EML6: variants seen among roughly 807,000 people sequenced by gnomAD.
EML6 encodes EMAP like 6.
In EML6, 154 loss-of-function variants were observed where a neutral mutation model predicts 240.1. The observed-to-expected ratio is 0.64, with a 90% CI of 0.56 to 0.73. The LOEUF (loss-of-function observed/expected upper bound fraction) is 0.73. EML6 is among the 30% of genes least tolerant of loss of function. EML6 has a pLI of 0.00. For missense variants in EML6, 2,964 were observed against 2,474.6 expected (o/e 1.20, Z -4.20); for synonymous variants, 1,148 against 899.0 (o/e 1.28, Z -4.95).
intron 17 of EML6, among the ~76,000 whole-genome samples, chr2:54,889,068 A>C (rs560069737): frequency 7.9e-5 from 12 of 152,260 alleles, no homozygotes; most frequent in Admixed American, 7.2e-4. Context: ...TTCTCTTGCT[A>C]TTTATGTAAA....
At chr2:54,783,817 C>G (rs967903988) in intron 2 of EML6, among the ~76,000 whole-genome samples, 1 of 152,150 alleles carries the variant, frequency 6.6e-6, no homozygotes, top group Non-Finnish European at 1.5e-5. Flanking sequence ...CATTGATATA[C>G]TTGTAATGAG....
At chr2:54,744,208 TAA>T (rs2103664390) in intron 2 of EML6, among the ~76,000 whole-genome samples, 1 of 152,270 alleles carries the variant, frequency 6.6e-6, no homozygotes, top group South Asian at 2.1e-4. Flanking sequence ...CCTTCTGAGC[TAA>T]AGAGATTGCT....
chr2:54,954,006 T>C lies in EML6; in HGVS notation c.4336T>C (p.Trp1446Arg). 1.3e-6 allele frequency: 2 copies of C among 1,551,590 alleles called. No homozygotes were observed. The highest frequency in any genetic ancestry group is 1.7e-6 in the Non-Finnish European group (2 of 1,146,828). The change falls in exon 32 of 42, where the codon TGG becomes CGG. Residue 1446 changes from tryptophan (W) to arginine (R), a missense_variant. Coordinates refer to ENST00000356458, the MANE Select transcript of EML6 (RefSeq NM_001039753.4). The part of the protein sequence containing the change: ...QIGTTPSIHI[W>R]DAMTKHTLSM... ...AGGGACAACACCTTCCATCCACATA[T>C]GGGACGCCATGACCAAACACACCCT... is the stretch of plus-strand genomic sequence containing the variant.
chr2:54,895,204 A>T, intron 20 of EML6, 69 bp from the exon 21 acceptor site: 4 of 1,511,052 alleles, frequency 2.6e-6, no homozygotes, highest in Non-Finnish European at 3.6e-6. Context: ...TTGGAGCTAT[A>T]AAAATTGAAT....
chr2:54,736,166 G>T (rs1237337690), intron 2 of EML6, among the ~76,000 whole-genome samples: 1 of 152,226 alleles, frequency 6.6e-6, no homozygotes. Context: ...ATAGCTAAGG[G>T]ATTTACCGCT....
In EML6 at chr2:54,759,256, C is replaced by T. The variant is rs568312507; in HGVS notation, c.197+33998C>T. 2.0e-5 allele frequency among the ~76,000 whole-genome samples: 3 copies of T among 150,510 alleles called. No homozygotes were observed. In the Admixed American group the frequency reaches 2.0e-4, roughly 10 times the overall value. Reference sequence around the variant, plus strand: ...TATGCATATCTGATAATTAGGCCCACAGTTTACAGTGGCTTTGACTGGTAT... The same window carrying T: ...TATGCATATCTGATAATTAGGCCCATAGTTTACAGTGGCTTTGACTGGTAT... On this transcript the variant is annotated intron_variant, in intron 2 of 41. Transcript: ENST00000356458.
In EML6 at chr2:54,967,091, C is replaced by T. The variant is rs1421758339; in HGVS notation, c.5585C>T (p.Ala1862Val). The T allele has an allele frequency of 6.4e-7, 1 of 1,550,702 alleles. No individual in the cohort carries two copies. Among genetic ancestry groups the T allele is most frequent in the East Asian group, 2.4e-5 (1 of 40,904 alleles). The part of the protein sequence containing the change: ...EAVVIEKITW[A>V]SWTSVLGDEV... ...GTGGTCATTGAGAAGATCACCTGGG[C>T]CTCCTGGACAAGGTGACTGACTGGA... Residue 1862 changes from alanine to valine, a missense_variant, in exon 39 of 42, where the codon GCC (alanine) becomes GTC (valine). By Grantham distance (64) the Ala-to-Val change is moderately conservative. Coordinates refer to ENST00000356458, the MANE Select transcript of EML6 (RefSeq NM_001039753.4).
intron 17 of EML6, among the ~76,000 whole-genome samples, chr2:54,886,423 G>A (rs1573071781): frequency 6.6e-6 from 1 of 152,044 alleles, no homozygotes; most frequent in East Asian, 1.9e-4. Flanking sequence ...GCCCACCTCA[G>A]CCCCCCAGAG....
chr2:54,813,225 C>T lies in EML6; in HGVS notation c.198-7C>T. On this transcript the variant is annotated splice_region_variant and splice_polypyrimidine_tract_variant and intron_variant, in intron 2 of 41. Transcript: ENST00000356458. The stretch of plus-strand genomic sequence containing the variant: ...GAAGATGTGAAAAGAAACCTTTTCT[C>T]TTTCAGCCTTGCCTTACACCCAGAC... 6.5e-7 allele frequency: 1 copy of T among 1,538,750 alleles called. No homozygotes were observed. Among genetic ancestry groups the T allele is most frequent in the Non-Finnish European group, 8.8e-7 (1 of 1,140,524 alleles).
intron 2 of EML6, among the ~76,000 whole-genome samples, chr2:54,804,633 A>G (rs1333010102): frequency 6.6e-6 from 1 of 152,232 alleles, no homozygotes; most frequent in Non-Finnish European, 1.5e-5. Context: ...ATATTTCTCC[A>G]GGATCACTTT....
intron 7 of EML6, among the ~76,000 whole-genome samples, chr2:54,835,703 C>G (rs1669104722): frequency 6.6e-6 from 1 of 152,140 alleles, no homozygotes; most frequent in South Asian, 2.1e-4. Context: ...CAGCTCTCAA[C>G]CAGGAGTGAT....
Position 54,859,562 on chromosome 2 carries a change from T to C in EML6, c.1686T>C (p.His562=), listed in dbSNP as rs1429980421. The C allele has an allele frequency of 3.9e-6, 6 of 1,551,194 alleles. No homozygotes were observed. The South Asian group carries it at 4.8e-5, about 12-fold the overall frequency. The change falls in exon 12 of 42, where the codon CAT becomes CAC. Residue 562 remains histidine, a synonymous_variant. Coordinates refer to ENST00000356458, the MANE Select transcript of EML6 (RefSeq NM_001039753.4). ...CCAAATTTAGAAAGTATGTGGGCCA[T>C]TCTGCACATGTCACAAATGTCCGCT... The part of the protein sequence containing the change: ...RGAKFRKYVG[H]SAHVTNVRWS...
intron 2 of EML6, among the ~76,000 whole-genome samples, chr2:54,757,479 G>A (rs72915554): frequency 0.012 from 1,864 of 151,800 alleles, 45 homozygotes; most frequent in African/African-American, 0.041. Flanking sequence ...GGGGGTGACC[G>A]TGGGGTATGC....
At chr2:54,897,522 C>T (rs962996997) in intron 21 of EML6, among the ~76,000 whole-genome samples, 1 of 152,152 alleles carries the variant, frequency 6.6e-6, no homozygotes, top group African/African-American at 2.4e-5. Flanking sequence ...GCTGGGATTC[C>T]AACCAAGGTT....
chr2:54,778,252 G>A (rs1429717182), intron 2 of EML6, among the ~76,000 whole-genome samples: 1 of 152,130 alleles, frequency 6.6e-6, no homozygotes, highest in Non-Finnish European at 1.5e-5. Flanking sequence ...GGCAAGTGAA[G>A]GATTTGTATA....
At chr2:54,906,989 G>C (rs1210381923) in intron 24 of EML6, among the ~76,000 whole-genome samples, 2 of 152,172 alleles carry the variant, frequency 1.3e-5, no homozygotes, top group African/African-American at 4.8e-5. Flanking sequence ...GGATGGCACA[G>C]CCGCCAGCCT....
intron 2 of EML6, among the ~76,000 whole-genome samples, chr2:54,764,513 G>A (rs549318127): frequency 4.0e-4 from 61 of 152,178 alleles, no homozygotes; most frequent in South Asian, 3.9e-3. Flanking sequence ...AATTGCACTT[G>A]TCTGCTTCTT....
chr2:54,808,173 C>T (rs146649442), intron 2 of EML6, among the ~76,000 whole-genome samples: 231 of 152,266 alleles, frequency 1.5e-3, no homozygotes, highest in African/African-American at 5.3e-3. Flanking sequence ...AAGGCAGGGC[C>T]CTCTCTGTGG....
intron 2 of EML6, among the ~76,000 whole-genome samples, chr2:54,766,049 C>T (rs572343105): frequency 6.6e-6 from 1 of 152,216 alleles, no homozygotes; most frequent in East Asian, 1.9e-4. Context: ...TCCTTCCTCT[C>T]TCTATTCTTT....
Sources: gnomAD v4.1 joint callset for allele counts (sites outside exome capture counted in the v4.1 genomes callset) on GRCh38, gnomAD v4.1.1 for gene constraint, MANE v1.5 for transcripts, NCBI Gene and HGNC (gene_info 2026-07-23, HGNC 2026-07-21) for gene names.